The following ESRP1 variants were observed in gnomAD, a reference collection of about 807,000 sequenced individuals.
ESRP1 encodes the protein epithelial splicing regulatory protein 1, also known as RNA-binding motif protein 35A.
Under a neutral mutation model 81.7 loss-of-function variants are expected in ESRP1, and 33 were observed. The ratio of observed to expected loss-of-function variants is 0.40; its 90% CI spans 0.31 to 0.54. The LOEUF is 0.54. ESRP1 is among the 20% of genes least tolerant of loss of function. ESRP1 has a pLI of 0.41. For missense variants in ESRP1, 672 were observed against 833.1 expected (o/e 0.81, Z 2.38); for synonymous variants, 320 against 303.3 (o/e 1.06, Z -0.57).
chr8:94,674,983 C>T (rs1011019345), intron 12 of ESRP1, among the ~76,000 whole-genome samples: 2 of 152,010 alleles, frequency 1.3e-5, no homozygotes, highest in African/African-American at 2.4e-5. Flanking sequence ...CTGTTGCTCT[C>T]CAGGATATCT....
chr8:94,704,246 A>C (rs2130747940), intron 15 of ESRP1, among the ~76,000 whole-genome samples: 1 of 149,110 alleles, frequency 6.7e-6, no homozygotes, highest in Admixed American at 6.7e-5. Flanking sequence ...TCCATTAGAC[A>C]TTTCATACTG....
intron 12 of ESRP1, among the ~76,000 whole-genome samples, chr8:94,676,463 C>T (rs569896262): frequency 6.6e-6 from 1 of 151,804 alleles, no homozygotes; most frequent in Non-Finnish European, 1.5e-5. Context: ...CAGACTTACA[C>T]CTACTATGTG....
At chr8:94,655,929 C>T (rs886906006) in intron 4 of ESRP1, 15 of 152,106 alleles carry the variant, frequency 9.9e-5, no homozygotes, top group African/African-American at 3.6e-4. Flanking sequence ...TGGTGGCACA[C>T]TCTTGTAATG....
chr8:94,643,727 C>T (rs78405614), intron 3 of ESRP1, among the ~76,000 whole-genome samples: 2,631 of 134,090 alleles, frequency 0.02, 82 homozygotes, highest in African/African-American at 0.068. Context: ...TCTTTGTTTA[C>T]GTCCAATTTT....
At chr8:94,700,936 A>C (rs1809800488) in intron 15 of ESRP1, among the ~76,000 whole-genome samples, 1 of 128,162 alleles carries the variant, frequency 7.8e-6, no homozygotes, top group Admixed American at 7.7e-5. Flanking sequence ...CTCAAAAAAA[A>C]ATGTGTGTGT....
intron 13 of ESRP1, among the ~76,000 whole-genome samples, chr8:94,684,588 CT>C (rs1054217171): frequency 5.9e-5 from 9 of 152,204 alleles, no homozygotes; most frequent in African/African-American, 2.2e-4. Flanking sequence ...TAAAATGGTT[CT>C]GTGTGGTCAT....
chr8:94,645,114 G>C (rs1290509201), intron 3 of ESRP1, among the ~76,000 whole-genome samples: 2 of 152,098 alleles, frequency 1.3e-5, no homozygotes, highest in African/African-American at 4.8e-5. Flanking sequence ...ATTTTTGTAG[G>C]TAATAGGGAG....
chr8:94,667,065 A>AGG lies in ESRP1; in HGVS notation c.932-881_932-880dup, dbSNP rs1310175153. ...TAATAATACACAAATTAGCCAGGAG[A>AGG]GGGGTGTGTGTGTGTGTGTGTGTGT... On this transcript the variant is annotated intron_variant, in intron 9 of 15. Coordinates refer to ENST00000433389, the MANE Select transcript of ESRP1 (RefSeq NM_017697.4). Among the ~76,000 whole-genome samples, 14 of 70,352 alleles carry AGG rather than the reference A, an allele frequency of 2.0e-4. No individual in the cohort carries two copies. The East Asian group carries it at 2.6e-3, about 13-fold the overall frequency. 46.2% of individuals were successfully genotyped at this position (70,352 alleles called of 152,430 possible). A position where few individuals can be genotyped will look rare whatever the true frequency, so the allele number is the denominator to read the frequency against.
chr8:94,692,118 G>A (rs1376863045), intron 13 of ESRP1, among the ~76,000 whole-genome samples: 2 of 152,036 alleles, frequency 1.3e-5, no homozygotes, highest in Non-Finnish European at 2.9e-5. Flanking sequence ...CTCTTCCAAC[G>A]TCCGCCACCC....
At chr8:94,656,282 G>A (rs1248958352) in intron 4 of ESRP1, 3 of 151,822 alleles carry the variant, frequency 2.0e-5, no homozygotes, top group Non-Finnish European at 4.4e-5. Context: ...ACAGTGGCGC[G>A]ATCCCGGCTC....
chr8:94,662,519 CAG>C lies in ESRP1; in HGVS notation c.615_616del (p.Arg205SerfsTer6), dbSNP rs771091863. On this transcript the variant is annotated frameshift_variant, in exon 6 of 16. Transcript: ENST00000433389. LOFTEE classifies it high-confidence loss of function. ...TTTTTAGATCACAGGTTTTCAGATC[CAG>C]AGAGAGTGAATTACAAGTTTGAAAG... The C allele has an allele frequency of 1.2e-6, 2 of 1,608,840 alleles. No homozygotes were observed. Among genetic ancestry groups the C allele is most frequent in the African/African-American group, 2.7e-5 (2 of 74,680 alleles).
At position 94,665,194 on chromosome 8, in the gene ESRP1, G is replaced by C; in HGVS notation, c.929G>C (p.Gly310Ala). 1 of 1,612,442 alleles carries C rather than the reference G, an allele frequency of 6.2e-7. No homozygotes were observed. The stretch of plus-strand genomic sequence containing the variant: ...GGTGAAGATTTCCTTAAAATTGCTG[G>C]TGGTAAGTGCCTTTTACATAATGTG... ...ATGEDFLKIA[G>A]GTSNEVAQFL... Residue 310 changes from glycine to alanine, a missense_variant and splice_region_variant, in exon 9 of 16, where the codon GGT becomes GCT. By Grantham distance (60) the Gly-to-Ala change is moderately conservative (BLOSUM62 0). Coordinates refer to ENST00000433389, the MANE Select transcript of ESRP1 (RefSeq NM_017697.4).
At chr8:94,705,777 G>A (rs965081261) in intron 15 of ESRP1, 148 bp from the exon 16 acceptor site, 7 of 690,072 alleles carry the variant, frequency 1.0e-5, no homozygotes, top group Non-Finnish European at 1.7e-5. Flanking sequence ...TGCCAACTAT[G>A]TCTGTGTGAA....
At chr8:94,652,010 T>TGA (rs1554575397) in intron 4 of ESRP1, among the ~76,000 whole-genome samples, 53 of 141,428 alleles carry the variant, frequency 3.7e-4, no homozygotes, top group Middle Eastern at 7.9e-3. Context: ...TTTTTTTTTT[T>TGA]GACAGAGTTT....
Position 94,700,920 on chromosome 8 carries a change from C to T in ESRP1, c.*35+3959C>T, listed in dbSNP as rs149537698. On this transcript the variant is annotated intron_variant, in intron 15 of 15. Coordinates refer to ENST00000433389, the MANE Select transcript of ESRP1 (RefSeq NM_017697.4). ...CTCCAGCCTGGGCAACAGAGCAAGA[C>T]TCCGACTCAAAAAAAAATGTGTGTG... Among the ~76,000 whole-genome samples, 25 of 144,690 alleles carry T rather than the reference C, an allele frequency of 1.7e-4. 1 individual carries two copies. In the East Asian group the frequency reaches 5.1e-3, roughly 30 times the overall value. 94.9% of individuals were successfully genotyped at this position (144,690 alleles called of 152,430 possible). A position where few individuals can be genotyped will look rare whatever the true frequency, so the allele number is the denominator to read the frequency against.
At chr8:94,641,924 G>A in intron 1 of ESRP1, 32 bp from the exon 2 acceptor site, 3 of 1,609,932 alleles carry the variant, frequency 1.9e-6, no homozygotes, top group Non-Finnish European at 2.5e-6. Context: ...CGAAATTGGG[G>A]GAAACTGACC....
intron 11 of ESRP1, among the ~76,000 whole-genome samples, chr8:94,672,551 G>C (rs111412560): frequency 0.19 from 26,519 of 138,844 alleles, 2,615 homozygotes; most frequent in Non-Finnish European, 0.23. Context: ...TTTTTTTTTT[G>C]AGACAGAGTC....
At chr8:94,672,146 AATC>A (rs1397826934) in intron 11 of ESRP1, among the ~76,000 whole-genome samples, 3 of 152,220 alleles carry the variant, frequency 2.0e-5, no homozygotes, top group Non-Finnish European at 4.4e-5. Flanking sequence ...TTTAACAAAT[AATC>A]ATATCTGTTC....
rs57801249 is a variant in ESRP1, at chr8:94,705,156, C to CTTTTTTTTT, written c.*36-748_*36-740dup. Among the ~76,000 whole-genome samples, 119 of 90,518 alleles carry CTTTTTTTTT rather than the reference C, an allele frequency of 1.3e-3. 6 individuals carry two copies. The highest frequency in any genetic ancestry group is 1.5e-3 in the Non-Finnish European group (73 of 47,908). 59.4% of individuals were successfully genotyped at this position (90,518 alleles called of 152,430 possible). On this transcript the variant is annotated intron_variant, in intron 15 of 15. Coordinates refer to ENST00000433389, the MANE Select transcript of ESRP1 (RefSeq NM_017697.4). The stretch of plus-strand genomic sequence containing the variant: ...TTTGCTGTTATGTCATGCCTTATTG[C>CTTTTTTTTT]TTTTTTTTTTTTTTTTTTTTTTTTT...
Sources: allele counts gnomAD v4.1 joint callset (sites outside exome capture counted in the v4.1 genomes callset), GRCh38; gene constraint gnomAD v4.1.1; transcripts MANE v1.5; gene names NCBI Gene and HGNC (gene_info 2026-07-23, HGNC 2026-07-21).